The following KAZN variants were observed in gnomAD, a reference collection of about 807,000 sequenced individuals.
The protein encoded by KAZN is kazrin.
In KAZN, 40 loss-of-function variants were observed where a neutral mutation model predicts 87.4. The ratio of observed to expected loss-of-function variants is 0.46; its 90% CI spans 0.36 to 0.60. KAZN has a LOEUF of 0.60. KAZN is among the 20% of genes least tolerant of loss of function. KAZN has a pLI of 0.00. For synonymous variants in KAZN, 466 were observed against 458.3 expected (o/e 1.02, Z -0.22); for missense variants, 898 against 1,073.9 (o/e 0.84, Z 2.29).
At chr1:14,189,235 A>G (rs1646375153) in intron 2 of KAZN, among the ~76,000 whole-genome samples, 1 of 152,138 alleles carries the variant, frequency 6.6e-6, no homozygotes, top group African/African-American at 2.4e-5. Context: ...AACCAAGGTC[A>G]TTTGCTTTGG....
intron 1 of KAZN, among the ~76,000 whole-genome samples, chr1:14,091,503 A>C (rs1280614118): frequency 6.6e-6 from 1 of 152,190 alleles, no homozygotes; most frequent in Non-Finnish European, 1.5e-5. Context: ...TGATTACTCC[A>C]TCATGGTCAG....
At chr1:14,129,871 C>T (rs900987653) in intron 1 of KAZN, among the ~76,000 whole-genome samples, 1 of 152,188 alleles carries the variant, frequency 6.6e-6, no homozygotes, top group African/African-American at 2.4e-5. Flanking sequence ...AATCATTTCA[C>T]GATTCTGCTG....
chr1:14,662,897 T>C (rs994262247), intron 1 of KAZN, among the ~76,000 whole-genome samples: 1 of 147,674 alleles, frequency 6.8e-6, no homozygotes, highest in African/African-American at 2.5e-5. Context: ...ATATATTATA[T>C]ATGTAAATAT....
intron 1 of KAZN, among the ~76,000 whole-genome samples, chr1:14,733,340 A>G (rs1169154153): frequency 2.0e-5 from 3 of 152,182 alleles, no homozygotes; most frequent in Non-Finnish European, 4.4e-5. Context: ...CAAATACACA[A>G]CCCAGAGTTT....
intron 1 of KAZN, among the ~76,000 whole-genome samples, chr1:14,723,653 G>A (rs1036428457): frequency 2.6e-5 from 4 of 152,202 alleles, no homozygotes; most frequent in African/African-American, 9.6e-5. Context: ...TCTCTCTCCT[G>A]CATTCGTCTC....
At chr1:14,113,130 C>T (rs1644535821) in intron 1 of KAZN, among the ~76,000 whole-genome samples, 2 of 151,612 alleles carry the variant, frequency 1.3e-5, no homozygotes, top group Admixed American at 6.6e-5. Context: ...CTCCTTCCTT[C>T]CTGCCCACCC....
At chr1:14,748,183 G>T (rs1443651943) in intron 1 of KAZN, among the ~76,000 whole-genome samples, 1 of 152,116 alleles carries the variant, frequency 6.6e-6, no homozygotes, top group East Asian at 1.9e-4. Flanking sequence ...GCAGATTTCT[G>T]CAGATTCTGC....
chr1:14,622,921 C>T (rs1678827408), intron 1 of KAZN, among the ~76,000 whole-genome samples: 1 of 122,874 alleles, frequency 8.1e-6, no homozygotes, highest in South Asian at 2.7e-4. Context: ...TATCAGTGTT[C>T]TTAATTTTTT....
At chr1:14,634,967 A>C (rs6690160) in intron 1 of KAZN, among the ~76,000 whole-genome samples, 36,690 of 152,032 alleles carry the variant, frequency 0.24, 4,655 homozygotes, top group African/African-American at 0.28. Context: ...TGCCTTCTAA[A>C]GGCTGAATGC....
rs895503115 is a variant in KAZN at position 14,598,735 on chromosome 1, GCTC to G, written c.-251_-249del. The G allele has an allele frequency of 1.2e-5, 16 of 1,327,652 alleles. No individual in the cohort carries two copies. Among genetic ancestry groups the G allele is most frequent in the East Asian group, 9.5e-5 (3 of 31,448 alleles). The allele number at this position is 1,327,652 out of a possible 1,614,324, so 82.2% of individuals were successfully genotyped here. On this transcript the variant is annotated 5_prime_UTR_variant, in exon 1 of 15. Coordinates refer to ENST00000376030, the MANE Select transcript of KAZN (RefSeq NM_201628.3). The surrounding 1 kb of genome is among the most constrained non-coding windows in gnomAD (Gnocchi z 4.2). ...GCCCGCCGGGGTCTCGGCGATCGCT[GCTC>G]CTCCTCCTCCTTCTCCTCCTCTTTT...
rs754713387 is a variant in KAZN, at chr1:14,295,475, A to G, written c.249+114883A>G. ...CACCCAAAGAGACTCGGGACAAAAA[A>G]CCACACATGCAGAAAGTGGGAGACT... On this transcript the variant is annotated intron_variant, in intron 2 of 16. Transcript: ENST00000636203. Among the ~76,000 whole-genome samples the G allele has an allele frequency of 5.7e-4, 87 of 152,266 alleles. 1 individual carries two copies. Among genetic ancestry groups the G allele is most frequent in the South Asian group, 1.9e-3 (9 of 4,816 alleles).
intron 8 of KAZN, among the ~76,000 whole-genome samples, chr1:15,073,806 C>T (rs889517024): frequency 6.6e-6 from 1 of 152,220 alleles, no homozygotes; most frequent in Non-Finnish European, 1.5e-5. Flanking sequence ...GACCTGCTGG[C>T]CTCGGTCTGG....
chr1:14,863,215 A>G (rs946954617), intron 1 of KAZN, among the ~76,000 whole-genome samples: 4 of 152,076 alleles, frequency 2.6e-5, no homozygotes, highest in African/African-American at 9.7e-5. Flanking sequence ...TCAATGTGGG[A>G]TCTATGAGCA....
intron 1 of KAZN, among the ~76,000 whole-genome samples, chr1:14,727,070 A>G (rs1572332646): frequency 2.0e-5 from 3 of 152,200 alleles, no homozygotes; most frequent in Non-Finnish European, 4.4e-5. Context: ...GAGGATGTCA[A>G]AGAAATTACA....
chr1:14,107,863 A>G (rs1209117244), intron 1 of KAZN, among the ~76,000 whole-genome samples: 1 of 151,522 alleles, frequency 6.6e-6, no homozygotes, highest in Non-Finnish European at 1.5e-5. Context: ...TTGTCACCTG[A>G]CTCCAAGAAA....
chr1:13,955,769 G>A (rs1429408371), intron 1 of KAZN, among the ~76,000 whole-genome samples: 1 of 152,202 alleles, frequency 6.6e-6, no homozygotes, highest in Non-Finnish European at 1.5e-5. Context: ...TTAAAAGACA[G>A]TACATTCCTA....
At chr1:14,847,834 T>G (rs1648963290) in intron 1 of KAZN, among the ~76,000 whole-genome samples, 1 of 152,072 alleles carries the variant, frequency 6.6e-6, no homozygotes, top group Non-Finnish European at 1.5e-5. Flanking sequence ...TTTTAAAAAA[T>G]TAGCCAGGCG....
chr1:14,928,066 CA>C (rs1219262952), intron 1 of KAZN, among the ~76,000 whole-genome samples: 2 of 152,104 alleles, frequency 1.3e-5, no homozygotes, highest in African/African-American at 4.8e-5. Flanking sequence ...TGCCCAAAGC[CA>C]CACAGCCAGT....
chr1:13,970,509 C>T (rs1642099899), intron 1 of KAZN, among the ~76,000 whole-genome samples: 1 of 152,188 alleles, frequency 6.6e-6, no homozygotes, highest in Admixed American at 6.5e-5. Context: ...GTCTGACTTG[C>T]AAACGTTCAC....
Sources: allele counts gnomAD v4.1 joint callset (sites outside exome capture counted in the v4.1 genomes callset), GRCh38; gene constraint gnomAD v4.1.1; non-coding constraint Gnocchi (gnomAD v3.1); transcripts MANE v1.5; gene names NCBI Gene and HGNC (gene_info 2026-07-23, HGNC 2026-07-21).